Variants in RANBP2 observed in about 807,000 individuals in gnomAD.
RANBP2 encodes E3 SUMO-protein ligase RanBP2.
A neutral mutation model predicts 303.6 loss-of-function variants in RANBP2; 57 were observed. That is an observed-to-expected ratio of 0.19 (90% CI 0.15 to 0.23). RANBP2 has a LOEUF of 0.23. Among genes scored for constraint, RANBP2 ranks in the 10% least tolerant of loss-of-function variants. RANBP2 has a pLI of 1.00. For missense variants in RANBP2, 3,138 were observed against 3,780.8 expected, an observed-to-expected ratio of 0.83 and a Z score of 4.46; for synonymous variants, 1,167 against 1,301.5, an observed-to-expected ratio of 0.90 and a Z score of 2.23.
At chr2:109,329,394 C>A in the RANBP2 span, among the ~76,000 whole-genome samples, 1 of 152,204 alleles carries the variant, frequency 6.6e-6, no homozygotes, top group Non-Finnish European at 1.5e-5. Context: ...ATCAAGTGGA[C>A]CTGCAGGTGG....
At chr2:109,420,430 G>A in the RANBP2 span, among the ~76,000 whole-genome samples, 1 of 152,046 alleles carries the variant, frequency 6.6e-6, no homozygotes, top group East Asian at 1.9e-4. Flanking sequence ...TTTTGTTGTT[G>A]TTGTTGTTTT....
Position 108,735,564 on chromosome 2 carries a change from A to G in RANBP2, c.438A>G (p.Gly146=), listed in dbSNP as rs1186309611. ...TTCTAGATTGTGAAGGTGAAGATGGATGGAATAAACTTTTTGACTTGATTC... is the reference window on the plus strand; with the variant it reads ...TTCTAGATTGTGAAGGTGAAGATGGGTGGAATAAACTTTTTGACTTGATTC... ...EQLLDCEGED[G]WNKLFDLIQS... Residue 146 remains glycine, a synonymous_variant, in exon 5 of 29, where the codon GGA becomes GGG. Coordinates refer to ENST00000283195, the MANE Select transcript of RANBP2 (RefSeq NM_006267.5). 1 of 1,597,462 alleles carries G rather than the reference A, an allele frequency of 6.3e-7. No individual in the cohort carries two copies. Among genetic ancestry groups the G allele is most frequent in the Non-Finnish European group, 8.5e-7 (1 of 1,179,794 alleles).
At chr2:108,887,212 G>C in the RANBP2 span, among the ~76,000 whole-genome samples, 5 of 152,144 alleles carry the variant, frequency 3.3e-5, no homozygotes, top group East Asian at 9.6e-4. Context: ...CTTATTTCTG[G>C]TTTCTTTATT....
rs1676178327 is a variant in RANBP2 at position 108,754,892 on chromosome 2, CTTTTA to C, written c.2203-8_2203-4del. 1 of 1,611,482 alleles carries C rather than the reference CTTTTA, an allele frequency of 6.2e-7. No individual in the cohort carries two copies. The highest frequency in any genetic ancestry group is 8.5e-7 in the Non-Finnish European group (1 of 1,179,728). ...GCAAATGAAAGCCCTTAATTAATGT[CTTTTA>C]TTTTTAGTTGCCTGTGCCCCTGGAG... On this transcript the variant is annotated splice_polypyrimidine_tract_variant and splice_region_variant and intron_variant, in intron 15 of 28. Transcript: ENST00000283195.
At chr2:109,733,159 C>T in the RANBP2 span, 10 of 457,410 alleles carry the variant, frequency 2.2e-5, no homozygotes, top group African/African-American at 1.3e-4. Context: ...CTCTAGGTTT[C>T]GTAGCCCATC....
At chr2:108,819,888 T>A in the RANBP2 span, among the ~76,000 whole-genome samples, 3 of 152,102 alleles carry the variant, frequency 2.0e-5, no homozygotes, top group Admixed American at 2.0e-4. Flanking sequence ...ATATATGATT[T>A]AAAAACTGTA....
the RANBP2 span, among the ~76,000 whole-genome samples, chr2:109,352,527 T>C: frequency 1.3e-5 from 2 of 152,214 alleles, no homozygotes; most frequent in South Asian, 4.1e-4. Flanking sequence ...TGGGATGACT[T>C]TGGGGGCCGA....
chr2:108,777,254 T>A (rs372051708), intron 25 of RANBP2, 23 bp downstream of exon 25: 1 of 1,567,538 alleles, frequency 6.4e-7, no homozygotes, highest in Admixed American at 1.7e-5. Context: ...GGAGAGACTT[T>A]TAATGACATT....
At chr2:109,449,481 A>G in the RANBP2 span, 1 of 1,613,880 alleles carries the variant, frequency 6.2e-7, no homozygotes, top group Non-Finnish European at 8.5e-7. Context: ...CGAGAAGAAA[A>G]GTGAAAAGGT....
the RANBP2 span, among the ~76,000 whole-genome samples, chr2:109,456,362 CCAT>C: frequency 6.6e-6 from 1 of 152,336 alleles, no homozygotes; most frequent in East Asian, 1.9e-4. Flanking sequence ...GAAAATGAAC[CCAT>C]CCTGAAAGCG....
the RANBP2 span, among the ~76,000 whole-genome samples, chr2:109,210,934 C>A: frequency 7.2e-5 from 11 of 152,226 alleles, no homozygotes; most frequent in Non-Finnish European, 1.5e-4. Flanking sequence ...GCTGTCCTTT[C>A]CTGTCAGAGC....
the RANBP2 span, chr2:109,129,407 C>A: frequency 4.9e-6 from 7 of 1,423,976 alleles, no homozygotes; most frequent in Non-Finnish European, 6.6e-6. Flanking sequence ...GCCCTAGCAT[C>A]GGGCCACCAG....
the RANBP2 span, among the ~76,000 whole-genome samples, chr2:109,371,284 G>C: frequency 6.6e-6 from 1 of 152,230 alleles, no homozygotes. Context: ...CAGCTACTTG[G>C]AAGGCTGAGG....
At chr2:109,414,352 G>C in the RANBP2 span, among the ~76,000 whole-genome samples, 1 of 152,082 alleles carries the variant, frequency 6.6e-6, no homozygotes, top group Non-Finnish European at 1.5e-5. Flanking sequence ...CATGTCTTGG[G>C]GACTCTGTCC....
chr2:109,676,234 G>C, the RANBP2 span, among the ~76,000 whole-genome samples: 1 of 152,210 alleles, frequency 6.6e-6, no homozygotes, highest in South Asian at 2.1e-4. Flanking sequence ...CCACACCCTG[G>C]AAGGTGTGAG....
At chr2:109,120,184 G>C in the RANBP2 span, among the ~76,000 whole-genome samples, 3 of 152,338 alleles carry the variant, frequency 2.0e-5, no homozygotes, top group South Asian at 6.2e-4. Flanking sequence ...GCTACCTGTA[G>C]GGTGGAGTCA....
the RANBP2 span, chr2:109,129,688 T>C: frequency 1.3e-6 from 2 of 1,525,738 alleles, no homozygotes; most frequent in Non-Finnish European, 1.8e-6. Flanking sequence ...GGACGAGTCG[T>C]CGCTGCTGGA....
intron 1 of RANBP2, among the ~76,000 whole-genome samples, chr2:108,725,700 C>G (rs1253382382): frequency 1.3e-5 from 2 of 151,714 alleles, no homozygotes; most frequent in African/African-American, 4.8e-5. Flanking sequence ...CACTGCACTG[C>G]AGCCTGGCGA....
At chr2:109,665,831 G>T in the RANBP2 span, 1 of 151,956 alleles carries the variant, frequency 6.6e-6, no homozygotes, top group Non-Finnish European at 1.5e-5. Flanking sequence ...CCTAAGAAAG[G>T]CCGGGTGCAG....
Sources: allele counts gnomAD v4.1 joint callset (sites outside exome capture counted in the v4.1 genomes callset), GRCh38; gene constraint gnomAD v4.1.1; transcripts MANE v1.5; gene names NCBI Gene and HGNC (gene_info 2026-07-23, HGNC 2026-07-21).